The following SCAI variants were observed in gnomAD, a reference collection of about 807,000 sequenced individuals.
SCAI encodes the protein suppressor of cancer cell invasion.
In SCAI, 24 loss-of-function variants were observed where a neutral mutation model predicts 92.2. The observed-to-expected ratio is 0.26, with a 90% CI of 0.19 to 0.37. The LOEUF (loss-of-function observed/expected upper bound fraction) is 0.37, where lower values mean the gene tolerates loss of function less well. Ranked by LOEUF, SCAI falls within the 10% of genes least tolerant of loss-of-function variation. The probability of loss-of-function intolerance (pLI) is 1.00; values close to 1 mark genes in which losing one functional copy is unlikely to be tolerated. For missense variants in SCAI, 450 were observed against 736.2 expected (o/e 0.61, Z 4.50); for synonymous variants, 261 against 258.6 (o/e 1.01, Z -0.09).
At chr9:125,038,101 A>G (rs1421614748) in intron 3 of SCAI, among the ~76,000 whole-genome samples, 1 of 152,084 alleles carries the variant, frequency 6.6e-6, no homozygotes, top group East Asian at 1.9e-4. Flanking sequence ...ACAAAAAAAT[A>G]CACAAATTAG....
At chr9:125,063,215 C>T (rs1205015434) in intron 2 of SCAI, among the ~76,000 whole-genome samples, 2 of 151,262 alleles carry the variant, frequency 1.3e-5, no homozygotes, top group African/African-American at 2.4e-5. Flanking sequence ...TCGAGACCAG[C>T]CTGGCCAACA....
At chr9:125,102,469 C>T (rs961474727) in intron 2 of SCAI, among the ~76,000 whole-genome samples, 1 of 152,204 alleles carries the variant, frequency 6.6e-6, no homozygotes, top group Admixed American at 6.5e-5. Flanking sequence ...ACCACCTGTG[C>T]ACTGGATTCC....
At chr9:125,059,843 C>T (rs1443883150) in intron 2 of SCAI, among the ~76,000 whole-genome samples, 1 of 152,292 alleles carries the variant, frequency 6.6e-6, no homozygotes, top group East Asian at 1.9e-4. Flanking sequence ...TATTCTCCGA[C>T]CACAAGGAAA....
chr9:125,025,158 C>T (rs1370750957), intron 6 of SCAI, among the ~76,000 whole-genome samples: 1 of 152,218 alleles, frequency 6.6e-6, no homozygotes, highest in African/African-American at 2.4e-5. Context: ...AAACAACCTA[C>T]AAACTGAACA....
intron 3 of SCAI, 89 bp downstream of exon 3, chr9:125,055,787 C>G (rs1008698554): frequency 1.0e-6 from 1 of 981,284 alleles, no homozygotes; most frequent in Non-Finnish European, 1.5e-6. Flanking sequence ...ACATTCTACC[C>G]ATAATTTTCG....
intron 17 of SCAI, among the ~76,000 whole-genome samples, chr9:124,962,349 G>A (rs999139124): frequency 1.3e-5 from 2 of 151,822 alleles, no homozygotes; most frequent in African/African-American, 2.4e-5. Context: ...TAGTAGAGAC[G>A]AGAGTTTCAC....
intron 3 of SCAI, among the ~76,000 whole-genome samples, chr9:125,033,173 G>C (rs1189658647): frequency 6.6e-6 from 1 of 151,772 alleles, no homozygotes; most frequent in Non-Finnish European, 1.5e-5. Flanking sequence ...AGTTCAGCCT[G>C]GGCAACACAG....
chr9:125,018,993 T>A, intron 8 of SCAI, 42 bp from the exon 9 acceptor site: 1 of 1,593,784 alleles, frequency 6.3e-7, no homozygotes, highest in Non-Finnish European at 8.6e-7. Flanking sequence ...TGGCCAAGAC[T>A]AAATATCAAT....
At chr9:124,974,551 CCCA>C (rs1405923279) in intron 15 of SCAI, among the ~76,000 whole-genome samples, 2 of 152,070 alleles carry the variant, frequency 1.3e-5, no homozygotes, top group East Asian at 3.8e-4. Flanking sequence ...TAGTTTTGCA[CCCA>C]CATGGAAGGC....
At chr9:125,088,977 C>T (rs543098231) in intron 2 of SCAI, among the ~76,000 whole-genome samples, 1 of 152,190 alleles carries the variant, frequency 6.6e-6, no homozygotes, top group South Asian at 2.1e-4. Context: ...GTTTTGACGG[C>T]TAAAAATATC....
At chr9:125,075,924 C>CT (rs1564403150) in intron 2 of SCAI, among the ~76,000 whole-genome samples, 2 of 152,060 alleles carry the variant, frequency 1.3e-5, no homozygotes, top group Non-Finnish European at 2.9e-5. Context: ...TCTCGAACTC[C>CT]TGACCTCAAG....
At chr9:125,045,455 C>T (rs573428350) in intron 3 of SCAI, among the ~76,000 whole-genome samples, 1 of 152,280 alleles carries the variant, frequency 6.6e-6, no homozygotes, top group East Asian at 1.9e-4. Flanking sequence ...ATCCTCTCAC[C>T]TCAACCTCTT....
At chr9:125,086,145 A>G (rs757462309) in intron 2 of SCAI, among the ~76,000 whole-genome samples, 8 of 152,154 alleles carry the variant, frequency 5.3e-5, no homozygotes, top group Non-Finnish European at 1.0e-4. Flanking sequence ...GCCGTATATC[A>G]TAGTTATTTG....
At chr9:124,976,446 G>C (rs1035324662) in intron 14 of SCAI, among the ~76,000 whole-genome samples, 19 of 152,186 alleles carry the variant, frequency 1.2e-4, no homozygotes, top group Non-Finnish European at 2.4e-4. Context: ...CATGATTGTA[G>C]TTTTGCACGG....
intron 9 of SCAI, among the ~76,000 whole-genome samples, chr9:125,004,131 G>A (rs184936919): frequency 8.6e-5 from 13 of 152,030 alleles, no homozygotes; most frequent in South Asian, 4.1e-4. Context: ...AACCGAAATC[G>A]CACCATCGTA....
intron 2 of SCAI, among the ~76,000 whole-genome samples, chr9:125,126,192 G>C (rs1835269098): frequency 6.6e-6 from 1 of 152,148 alleles, no homozygotes; most frequent in African/African-American, 2.4e-5. Flanking sequence ...ACTTTTCTGA[G>C]CCAGTCATGT....
chr9:125,143,509 G>A lies in SCAI; in HGVS notation c.-72C>T. On this transcript the variant is annotated 5_prime_UTR_variant, in exon 1 of 18. Transcript: ENST00000336505. ...CGCTCGGGAAGCTGAGGCGGCGGAG[G>A]CTGGAGTAGGCGGAGAGGCGGGAGG... 4.0e-6 allele frequency: 5 copies of A among 1,253,648 alleles called. No homozygotes were observed. Among genetic ancestry groups the A allele is most frequent in the South Asian group, 2.2e-5 (1 of 44,928 alleles). The allele number at this position is 1,253,648 out of a possible 1,614,324, so 77.7% of individuals were successfully genotyped here. A position where few individuals can be genotyped will look rare whatever the true frequency, so the allele number is the denominator to read the frequency against.
chr9:124,986,323 A>G (rs1694846726), intron 14 of SCAI, among the ~76,000 whole-genome samples: 3 of 152,204 alleles, frequency 2.0e-5, no homozygotes. Flanking sequence ...GGGCAATGGA[A>G]TACTTAAAAA....
chr9:125,066,228 A>G (rs953541162), intron 2 of SCAI, among the ~76,000 whole-genome samples: 4 of 152,176 alleles, frequency 2.6e-5, no homozygotes, highest in Admixed American at 6.5e-5. Flanking sequence ...AAGGTTAAGT[A>G]TATTTCTATA....
Sources: gnomAD v4.1 joint callset for allele counts (sites outside exome capture counted in the v4.1 genomes callset) on GRCh38, gnomAD v4.1.1 for gene constraint, MANE v1.5 for transcripts, NCBI Gene and HGNC (gene_info 2026-07-23, HGNC 2026-07-21) for gene names.